IL1RAPL1: variants seen among roughly 807,000 people sequenced by gnomAD.
IL1RAPL1 encodes interleukin-1 receptor accessory protein-like 1.
IL1RAPL1 carries 3 observed loss-of-function variants against 48.4 expected under a neutral mutation model. The ratio of observed to expected loss-of-function variants is 0.06; its 90% CI spans 0.03 to 0.16. The LOEUF is 0.16. Among genes scored for constraint, IL1RAPL1 ranks in the 10% least tolerant of loss-of-function variants. The pLI is 1.00. For synonymous variants in IL1RAPL1, 185 were observed against 187.7 expected, an observed-to-expected ratio of 0.99 and a Z score of 0.12; for missense variants, 349 against 530.6, an observed-to-expected ratio of 0.66 and a Z score of 3.36.
At chrX:29,753,398 A>G (rs910704711) in intron 6 of IL1RAPL1, among the ~76,000 whole-genome samples, 11 of 111,844 alleles carry the variant, frequency 9.8e-5, no homozygotes, top group African/African-American at 3.2e-4. Context: ...ATCCATCTCA[A>G]TGACTTCCTT....
At chrX:28,934,152 T>C (rs1270804746) in intron 2 of IL1RAPL1, among the ~76,000 whole-genome samples, 1 of 111,018 alleles carries the variant, frequency 9.0e-6, no homozygotes, top group Non-Finnish European at 1.9e-5. Context: ...CAGCCTCATT[T>C]TACCCAGCTC....
At chrX:28,932,580 A>G (rs1406534571) in intron 2 of IL1RAPL1, among the ~76,000 whole-genome samples, 2 of 111,340 alleles carry the variant, frequency 1.8e-5, no homozygotes, top group Admixed American at 9.6e-5. Context: ...AGAAACAATT[A>G]ACCTAGATAT....
intron 2 of IL1RAPL1, among the ~76,000 whole-genome samples, chrX:28,933,610 GTTC>G (rs1175160995): frequency 1.8e-5 from 2 of 111,404 alleles, no homozygotes; most frequent in African/African-American, 6.5e-5. Flanking sequence ...CCTAGAGAGG[GTTC>G]TTAGACCTCA....
intron 2 of IL1RAPL1, among the ~76,000 whole-genome samples, chrX:29,121,753 C>T (rs72625526): frequency 0.047 from 5,246 of 111,644 alleles, 275 homozygotes; most frequent in East Asian, 0.35. Context: ...ACCTTAATCA[C>T]GTCTGCAAAG....
intron 2 of IL1RAPL1, among the ~76,000 whole-genome samples, chrX:29,184,984 T>G (rs1930223082): frequency 8.9e-6 from 1 of 112,308 alleles, no homozygotes; most frequent in Admixed American, 9.4e-5. Flanking sequence ...TGAGATGTAC[T>G]GTGTTGTTCC....
intron 5 of IL1RAPL1, among the ~76,000 whole-genome samples, chrX:29,614,030 T>TG (rs1384375981): frequency 1.8e-5 from 2 of 110,368 alleles, no homozygotes; most frequent in Non-Finnish European, 3.8e-5. Context: ...CCCAAAGTCC[T>TG]GGATTACAGG....
intron 2 of IL1RAPL1, among the ~76,000 whole-genome samples, chrX:28,913,847 C>T (rs1185661164): frequency 3.6e-5 from 4 of 111,431 alleles, no homozygotes; most frequent in African/African-American, 6.5e-5. Flanking sequence ...ATATGACTTC[C>T]GCTTTCTCAC....
At chrX:29,081,210 C>T (rs898147141) in intron 2 of IL1RAPL1, among the ~76,000 whole-genome samples, 2 of 96,462 alleles carry the variant, frequency 2.1e-5, no homozygotes, top group Non-Finnish European at 4.0e-5. Context: ...TGTGCCACCA[C>T]ACCTGGCTAA....
chrX:29,415,710 C>T (rs1238391276), intron 5 of IL1RAPL1, among the ~76,000 whole-genome samples: 3 of 112,143 alleles, frequency 2.7e-5, no homozygotes, highest in Non-Finnish European at 3.8e-5. Context: ...TGAACCACCG[C>T]GCCCAGCCAT....
At chrX:29,382,223 A>T (rs1463811112) in intron 3 of IL1RAPL1, among the ~76,000 whole-genome samples, 1 of 111,710 alleles carries the variant, frequency 9.0e-6, no homozygotes, top group Non-Finnish European at 1.9e-5. Flanking sequence ...TGACATTCAG[A>T]TAAGACTGAA....
chrX:29,803,924 T>C (rs1054945969), intron 6 of IL1RAPL1, among the ~76,000 whole-genome samples: 41 of 110,625 alleles, frequency 3.7e-4, no homozygotes, highest in African/African-American at 1.3e-3. Flanking sequence ...AATGGGAAAA[T>C]TGGGCTTTAG....
chrX:29,839,407 T>C (rs1324587762), intron 6 of IL1RAPL1, among the ~76,000 whole-genome samples: 1 of 112,408 alleles, frequency 8.9e-6, no homozygotes, highest in African/African-American at 3.2e-5. Flanking sequence ...GAGAACAACC[T>C]GTTAATGATA....
rs72625516 is a variant in IL1RAPL1 at position 28,688,286 on chromosome X, A to G, written c.-25+100239A>G. Among the ~76,000 whole-genome samples, 8 of 108,938 alleles carry G rather than the reference A, an allele frequency of 7.3e-5. No individual in the cohort carries two copies. The East Asian group carries it at 2.4e-3, about 32-fold the overall frequency. 94.6% of individuals were successfully genotyped at this position (108,938 alleles called of 115,157 possible). A position where few individuals can be genotyped will look rare whatever the true frequency, so the allele number is the denominator to read the frequency against. ...GGCTCACTGCAGCCTTGACCTCCCA[A>G]GGTCCTCCACTTGGGAGGCTCAAGT... On this transcript the variant is annotated intron_variant, in intron 1 of 10. Coordinates refer to ENST00000378993, the MANE Select transcript of IL1RAPL1 (RefSeq NM_014271.4).
chrX:29,271,834 T>G (rs1932046597), intron 2 of IL1RAPL1, among the ~76,000 whole-genome samples: 1 of 112,390 alleles, frequency 8.9e-6, no homozygotes, highest in South Asian at 3.6e-4. Flanking sequence ...ACTCTCTTGA[T>G]AGTTTGGTTT....
At chrX:29,680,623 G>A (rs1926422621) in intron 6 of IL1RAPL1, among the ~76,000 whole-genome samples, 1 of 111,631 alleles carries the variant, frequency 9.0e-6, no homozygotes, top group Non-Finnish European at 1.9e-5. Flanking sequence ...GGTTATTATG[G>A]AGTCCATCTT....
intron 1 of IL1RAPL1, among the ~76,000 whole-genome samples, chrX:28,678,535 G>A (rs1322615111): frequency 9.0e-6 from 1 of 111,587 alleles, no homozygotes; most frequent in Non-Finnish European, 1.9e-5. Flanking sequence ...GAAATACTTG[G>A]TTACCTGCTT....
intron 5 of IL1RAPL1, among the ~76,000 whole-genome samples, chrX:29,461,061 T>C (rs1371805576): frequency 9.0e-6 from 1 of 111,437 alleles, no homozygotes; most frequent in African/African-American, 3.3e-5. Context: ...ATCCAGAACA[T>C]AGAAAATGTA....
intron 2 of IL1RAPL1, among the ~76,000 whole-genome samples, chrX:29,042,244 G>A (rs1027869861): frequency 5.4e-5 from 6 of 111,644 alleles, no homozygotes; most frequent in Non-Finnish European, 1.1e-4. Context: ...ATGGAACTTG[G>A]TATCTCATCA....
At chrX:29,240,318 T>C (rs1234218409) in intron 2 of IL1RAPL1, among the ~76,000 whole-genome samples, 2 of 92,022 alleles carry the variant, frequency 2.2e-5, no homozygotes, top group African/African-American at 8.3e-5. Context: ...CACTGCAACC[T>C]CTGTCTCCCA....
Sources: gnomAD v4.1 joint callset for allele counts (sites outside exome capture counted in the v4.1 genomes callset) on GRCh38, gnomAD v4.1.1 for gene constraint, MANE v1.5 for transcripts, NCBI Gene and HGNC (gene_info 2026-07-23, HGNC 2026-07-21) for gene names.